Variants in SCMH1 observed in about 807,000 individuals in gnomAD.
SCMH1 encodes Scm polycomb group protein homolog 1, also known as polycomb protein SCMH1.
SCMH1 carries 37 observed loss-of-function variants against 70.8 expected under a neutral mutation model. The observed-to-expected ratio is 0.52, with a 90% CI of 0.40 to 0.69. SCMH1 has a LOEUF of 0.69. SCMH1 is among the 30% of genes least tolerant of loss of function. SCMH1 has a pLI of 0.00. For synonymous variants in SCMH1, 292 were observed against 307.4 expected, an observed-to-expected ratio of 0.95 and a Z score of 0.52; for missense variants, 607 against 827.3, an observed-to-expected ratio of 0.73 and a Z score of 3.27.
intron 2 of SCMH1, among the ~76,000 whole-genome samples, chr1:41,178,913 C>T (rs139209599): frequency 1.3e-5 from 2 of 152,198 alleles, no homozygotes; most frequent in African/African-American, 4.8e-5. Context: ...ACTCCCCACC[C>T]CAAATCAACA....
rs535709454 is a variant in SCMH1 at position 41,162,069 on chromosome 1, G to A, written c.14-637C>T. Among the ~76,000 whole-genome samples the A allele has an allele frequency of 4.1e-3, 624 of 152,096 alleles. 3 individuals carry two copies. Among genetic ancestry groups the A allele is most frequent in the Non-Finnish European group, 6.4e-3 (438 of 67,956 alleles). The stretch of plus-strand genomic sequence containing the variant: ...GGGTGCAGCTGCAGCCACCCAAACC[G>A]AGGCTGCAAACCCAGACCTCCTGCT... On this transcript the variant is annotated intron_variant, in intron 2 of 14. Transcript: ENST00000337495.
chr1:41,135,852 T>G (rs1309990485), intron 6 of SCMH1, among the ~76,000 whole-genome samples: 1 of 152,140 alleles, frequency 6.6e-6, no homozygotes, highest in Non-Finnish European at 1.5e-5. Flanking sequence ...GCACTAAGAC[T>G]ATCTGCTCCT....
exon 15 of SCMH1, chr1:41,028,123 C>T: frequency 6.3e-7 from 1 of 1,594,924 alleles, no homozygotes; most frequent in Non-Finnish European, 8.6e-7. Context: ...CTGGGGTGGG[C>T]TGATGCCCCT....
At chr1:41,072,071 T>C (rs1161242394) in intron 9 of SCMH1, among the ~76,000 whole-genome samples, 2 of 152,206 alleles carry the variant, frequency 1.3e-5, no homozygotes, top group Non-Finnish European at 2.9e-5. Flanking sequence ...TATCAACCTG[T>C]CTGCCTTCTA....
chr1:41,159,829 C>T (rs1645871592), intron 4 of SCMH1: 14 of 1,390,446 alleles, frequency 1.0e-5, no homozygotes, highest in South Asian at 5.5e-5. Flanking sequence ...TGAGTATAGC[C>T]GCTGAACAGA....
chr1:41,130,625 A>T lies in SCMH1; in HGVS notation c.412+12253T>A, dbSNP rs542633949. Among the ~76,000 whole-genome samples, 7 of 152,272 alleles carry T rather than the reference A, an allele frequency of 4.6e-5. No homozygotes were observed. In the East Asian group the frequency reaches 1.2e-3, roughly 25 times the overall value. On this transcript the variant is annotated intron_variant, in intron 6 of 14. Coordinates refer to ENST00000337495, the Ensembl canonical transcript of SCMH1. ...TGAATTAGATATGTAAGTATAAAAA[A>T]TTAGCTTCACAATTCACACACCATA...
At chr1:41,046,085 C>T (rs566295184) in intron 12 of SCMH1, among the ~76,000 whole-genome samples, 8 of 152,256 alleles carry the variant, frequency 5.3e-5, no homozygotes, top group Admixed American at 3.3e-4. Flanking sequence ...CAGGTTCACA[C>T]TGGGAGACGT....
intron 2 of SCMH1, among the ~76,000 whole-genome samples, chr1:41,179,722 A>G (rs1304062992): frequency 6.6e-6 from 1 of 152,228 alleles, no homozygotes; most frequent in African/African-American, 2.4e-5. Flanking sequence ...GCGATAATTA[A>G]TAGCTTACCA....
chr1:41,105,877 GT>G (rs200132114), intron 8 of SCMH1, among the ~76,000 whole-genome samples: 13,343 of 142,644 alleles, frequency 0.094, 546 homozygotes, highest in South Asian at 0.13. Flanking sequence ...CCATTTGATA[GT>G]TTTTTTTTTT....
At chr1:41,046,579 C>A (rs780756941) in exon 12 of SCMH1, 20 of 1,613,980 alleles carry the variant, frequency 1.2e-5, no homozygotes, top group Non-Finnish European at 1.7e-5. Context: ...TGAGGGTATG[C>A]TGTTCCCGGT....
At chr1:41,041,766 A>T (rs982569414) in intron 12 of SCMH1, among the ~76,000 whole-genome samples, 1 of 152,234 alleles carries the variant, frequency 6.6e-6, no homozygotes, top group South Asian at 2.1e-4. Context: ...TCACAAGACC[A>T]GGATGACAAC....
intron 9 of SCMH1, among the ~76,000 whole-genome samples, chr1:41,072,184 A>G (rs2148885799): frequency 6.6e-6 from 1 of 152,334 alleles, no homozygotes; most frequent in Admixed American, 6.5e-5. Context: ...CATTCAAAAC[A>G]CACATTGAAA....
chr1:41,189,957 A>T (rs960681693), intron 1 of SCMH1, among the ~76,000 whole-genome samples: 2 of 152,188 alleles, frequency 1.3e-5, no homozygotes, highest in South Asian at 2.1e-4. Context: ...AACAGAGAAG[A>T]AGTTCAGTGG....
At chr1:41,232,576 C>T (rs1229049582) in intron 1 of SCMH1, among the ~76,000 whole-genome samples, 1 of 152,116 alleles carries the variant, frequency 6.6e-6, no homozygotes, top group Non-Finnish European at 1.5e-5. Context: ...CTGGTCTGGG[C>T]TTGAAACCAA....
intron 2 of SCMH1, among the ~76,000 whole-genome samples, chr1:41,177,778 G>A (rs1647390637): frequency 6.6e-6 from 1 of 152,228 alleles, no homozygotes; most frequent in Non-Finnish European, 1.5e-5. Flanking sequence ...GTACCTAAAA[G>A]TGATGGGGAG....
chr1:41,215,264 A>G (rs1336143140), intron 1 of SCMH1, among the ~76,000 whole-genome samples: 5 of 152,150 alleles, frequency 3.3e-5, no homozygotes, highest in Admixed American at 1.3e-4. Context: ...TCCATCCTAT[A>G]AAAGACAACC....
intron 1 of SCMH1, among the ~76,000 whole-genome samples, chr1:41,193,437 A>C (rs532411907): frequency 6.6e-6 from 1 of 152,244 alleles, no homozygotes; most frequent in Non-Finnish European, 1.5e-5. Flanking sequence ...TCAAATATAC[A>C]ATCATCGTGT....
intron 8 of SCMH1, among the ~76,000 whole-genome samples, chr1:41,112,528 G>A (rs909352269): frequency 6.6e-6 from 1 of 151,714 alleles, no homozygotes; most frequent in South Asian, 2.1e-4. Flanking sequence ...TCTCTCATAG[G>A]TAGTGGTTAG....
At chr1:41,206,275 C>T (rs1655517962) in intron 1 of SCMH1, among the ~76,000 whole-genome samples, 2 of 152,080 alleles carry the variant, frequency 1.3e-5, no homozygotes, top group Middle Eastern at 3.2e-3. Flanking sequence ...TCAAACCCAT[C>T]ACAAGGAAGC....
Sources: gnomAD v4.1 joint callset for allele counts (sites outside exome capture counted in the v4.1 genomes callset) on GRCh38, gnomAD v4.1.1 for gene constraint, MANE v1.5 for transcripts, NCBI Gene and HGNC (gene_info 2026-07-23, HGNC 2026-07-21) for gene names.